The following DGKB variants were observed in gnomAD, a reference collection of about 807,000 sequenced individuals.
DGKB encodes diacylglycerol kinase beta, also known as 90 kDa diacylglycerol kinase.
In DGKB, 67 loss-of-function variants were observed where a neutral mutation model predicts 114.3. The ratio of observed to expected loss-of-function variants is 0.59; its 90% CI spans 0.48 to 0.72. The LOEUF (loss-of-function observed/expected upper bound fraction) is 0.72. DGKB is among the 30% of genes least tolerant of loss of function. The pLI, the probability that DGKB is intolerant of heterozygous loss-of-function variation, is 0.00. For missense variants in DGKB, 907 were observed against 975.2 expected (o/e 0.93, Z 0.93); for synonymous variants, 398 against 323.1 (o/e 1.23, Z -2.49).
chr7:14,423,670 G>C (rs1452989571), intron 21 of DGKB, among the ~76,000 whole-genome samples: 1 of 152,090 alleles, frequency 6.6e-6, no homozygotes, highest in Non-Finnish European at 1.5e-5. Context: ...ATTCAGAACA[G>C]AACTTCTTTT....
chr7:14,841,774 G>T (rs796386131), intron 1 of DGKB, among the ~76,000 whole-genome samples: 2 of 152,152 alleles, frequency 1.3e-5, no homozygotes, highest in East Asian at 1.9e-4. Flanking sequence ...CATATGATTT[G>T]CTAGTTTACA....
intron 13 of DGKB, among the ~76,000 whole-genome samples, chr7:14,661,016 A>G (rs1382013765): frequency 3.3e-5 from 5 of 149,306 alleles, no homozygotes; most frequent in Non-Finnish European, 6.0e-5. Flanking sequence ...GAAAGCTGAA[A>G]CTGGATCCCT....
rs10226249 is a variant in DGKB at position 14,473,851 on chromosome 7, G to A, written c.1835+4310C>T. ...TGGGGGCATGTAGCCCCTTTGTTTT[G>A]GCCAATGTCTCCCATTTGGAATGGC... On this transcript the variant is annotated intron_variant, in intron 21 of 25. Coordinates refer to ENST00000402815, the MANE Select transcript of DGKB (RefSeq NM_001350709.2). Among the ~76,000 whole-genome samples, 117 of 152,238 alleles carry A rather than the reference G, an allele frequency of 7.7e-4. 1 individual carries two copies. The highest frequency in any genetic ancestry group is 2.7e-3 in the African/African-American group (114 of 41,552).
intron 23 of DGKB, among the ~76,000 whole-genome samples, chr7:14,231,085 T>TTCTC (rs1554297111): frequency 2.4e-5 from 1 of 41,874 alleles, no homozygotes; most frequent in Non-Finnish European, 4.4e-5. Flanking sequence ...TTCTTTCCCT[T>TTCTC]TCTTTCTTTC....
chr7:14,668,837 CCT>C (rs1818480531), intron 13 of DGKB, among the ~76,000 whole-genome samples: 1 of 152,094 alleles, frequency 6.6e-6, no homozygotes, highest in African/African-American at 2.4e-5. Context: ...CTCTGGCTGC[CCT>C]CTCTGTACAT....
At chr7:14,161,801 A>AACTT (rs970918400) in intron 25 of DGKB, among the ~76,000 whole-genome samples, 4 of 152,128 alleles carry the variant, frequency 2.6e-5, no homozygotes, top group African/African-American at 7.2e-5. Flanking sequence ...TGGATCCTGG[A>AACTT]ACTTAAAGTA....
At chr7:14,968,861 T>G (rs1316200419) in intron 1 of DGKB, among the ~76,000 whole-genome samples, 2 of 152,216 alleles carry the variant, frequency 1.3e-5, no homozygotes, top group Non-Finnish European at 2.9e-5. Flanking sequence ...ATTTGCATCA[T>G]GCAAATAATG....
At chr7:14,815,724 G>A (rs1233759362) in intron 2 of DGKB, among the ~76,000 whole-genome samples, 1 of 152,078 alleles carries the variant, frequency 6.6e-6, no homozygotes. Context: ...CACCAAGCGG[G>A]TTCAGAACTC....
intron 5 of DGKB, among the ~76,000 whole-genome samples, chr7:14,720,820 G>C (rs1363779447): frequency 6.7e-6 from 1 of 149,746 alleles, no homozygotes; most frequent in Non-Finnish European, 1.5e-5. Flanking sequence ...AACCAAAGAA[G>C]GCAGGGAATT....
Position 14,800,648 on chromosome 7 carries a change from A to G in DGKB, c.70+40546T>C, listed in dbSNP as rs368573580. On this transcript the variant is annotated intron_variant, in intron 2 of 25. Transcript: ENST00000402815. ...GTAAACTCACCTTTTTATATATGCT[A>G]TGCTTGTCTAGAGGTTTGGTTCTAG... Among the ~76,000 whole-genome samples, 15 of 152,270 alleles carry G rather than the reference A, an allele frequency of 9.9e-5. No individual in the cohort carries two copies. The South Asian group carries it at 2.9e-3, about 29-fold the overall frequency.
chr7:14,425,911 G>C (rs1305989331), intron 21 of DGKB, among the ~76,000 whole-genome samples: 7 of 152,006 alleles, frequency 4.6e-5, no homozygotes, highest in African/African-American at 1.7e-4. Flanking sequence ...TTCCCTCAAA[G>C]CCATCTCAAA....
At chr7:14,448,912 C>G (rs1168226318) in intron 21 of DGKB, among the ~76,000 whole-genome samples, 1 of 151,938 alleles carries the variant, frequency 6.6e-6, no homozygotes, top group East Asian at 1.9e-4. Context: ...ACTGGAAAGA[C>G]TAAGAACAGA....
intron 13 of DGKB, among the ~76,000 whole-genome samples, chr7:14,654,788 C>G (rs1815421239): frequency 6.6e-6 from 1 of 151,892 alleles, no homozygotes; most frequent in African/African-American, 2.4e-5. Context: ...AAAAGACACC[C>G]TCTATAATAA....
chr7:14,409,883 T>G (rs1381912178), intron 21 of DGKB, among the ~76,000 whole-genome samples: 3 of 152,152 alleles, frequency 2.0e-5, no homozygotes, highest in Non-Finnish European at 4.4e-5. Flanking sequence ...TAACACTATC[T>G]TTTCTCTAGC....
At chr7:14,343,326 G>A (rs914932263) in intron 22 of DGKB, among the ~76,000 whole-genome samples, 8 of 151,782 alleles carry the variant, frequency 5.3e-5, no homozygotes, top group Admixed American at 3.3e-4. Context: ...AGAGTAAGCA[G>A]AAACAGCACT....
At chr7:14,602,884 A>G (rs1803810305) in intron 17 of DGKB, among the ~76,000 whole-genome samples, 1 of 152,182 alleles carries the variant, frequency 6.6e-6, no homozygotes, top group Non-Finnish European at 1.5e-5. Context: ...TGTTTCAGCA[A>G]TTTTGATAGG....
chr7:14,401,724 T>C (rs1823131790), intron 21 of DGKB, among the ~76,000 whole-genome samples: 1 of 151,802 alleles, frequency 6.6e-6, no homozygotes, highest in African/African-American at 2.4e-5. Context: ...TAATAGTCCC[T>C]TTCCAGCATT....
intron 23 of DGKB, among the ~76,000 whole-genome samples, chr7:14,270,407 C>T (rs1294198454): frequency 6.6e-6 from 1 of 152,108 alleles, no homozygotes; most frequent in African/African-American, 2.4e-5. Flanking sequence ...ACTGGTCAGC[C>T]TATGGTCTGT....
intron 21 of DGKB, among the ~76,000 whole-genome samples, chr7:14,383,958 G>C (rs140638109): frequency 2.6e-5 from 4 of 152,302 alleles, no homozygotes; most frequent in Admixed American, 1.3e-4. Context: ...AAAGCATGTA[G>C]TGTGCTTATG....
Sources: allele counts gnomAD v4.1 joint callset (sites outside exome capture counted in the v4.1 genomes callset), GRCh38; gene constraint gnomAD v4.1.1; transcripts MANE v1.5; gene names NCBI Gene and HGNC (gene_info 2026-07-23, HGNC 2026-07-21).